The following ZNF780A variants were observed in gnomAD, a reference collection of about 807,000 sequenced individuals.
ZNF780A encodes the protein zinc finger protein 780A.
In ZNF780A, 40 loss-of-function variants were observed where a neutral mutation model predicts 56.7. The observed-to-expected ratio is 0.71, with a 90% CI of 0.55 to 0.92. The LOEUF (loss-of-function observed/expected upper bound fraction) is 0.92, where lower values mean the gene tolerates loss of function less well. Ranked by LOEUF, ZNF780A falls within the 40% of genes least tolerant of loss-of-function variation. ZNF780A has a pLI of 0.00. For missense variants in ZNF780A, 672 were observed against 783.3 expected (o/e 0.86, Z 1.70); for synonymous variants, 231 against 248.3 (o/e 0.93, Z 0.66).
downstream of ZNF780A, chr19:40,070,442 G>C (rs1210607807): frequency 6.6e-6 from 1 of 152,100 alleles, no homozygotes; most frequent in Non-Finnish European, 1.5e-5. Flanking sequence ...GTATTTCCTT[G>C]TTTCAGGACA....
chr19:40,084,066 A>AT (rs554762129), intron 3 of ZNF780A, among the ~76,000 whole-genome samples: 17,475 of 147,258 alleles, frequency 0.12, 1,921 homozygotes, highest in African/African-American at 0.3. Flanking sequence ...CAACAGGCTA[A>AT]TTTTTTTTTT....
intron 5 of ZNF780A, among the ~76,000 whole-genome samples, chr19:40,079,284 C>T (rs901483766): frequency 2.6e-5 from 4 of 151,962 alleles, no homozygotes; most frequent in South Asian, 4.1e-4. Context: ...ATTCAGCAAG[C>T]GGATATAACA....
intron 2 of ZNF780A, among the ~76,000 whole-genome samples, chr19:40,089,887 C>T (rs1026543542): frequency 2.0e-5 from 3 of 152,140 alleles, no homozygotes; most frequent in African/African-American, 7.2e-5. Context: ...TGTGTGATTC[C>T]ACCTAAACAC....
Position 40,073,622 on chromosome 19 carries a change from T to C in ZNF780A, c.*894A>G. ...CAAAGACTTTCTCACAAGAATTATCTTCTCCGAACTCTAAGGTATTTAGTG... is the reference window on the plus strand; with the variant it reads ...CAAAGACTTTCTCACAAGAATTATCCTCTCCGAACTCTAAGGTATTTAGTG... On this transcript the variant is annotated 3_prime_UTR_variant, in exon 6 of 6. Transcript: ENST00000683561. 1 of 985,908 alleles carries C rather than the reference T, an allele frequency of 1.0e-6. No homozygotes were observed. The highest frequency in any genetic ancestry group is 1.2e-6 in the Non-Finnish European group (1 of 830,322). 61.1% of individuals were successfully genotyped at this position (985,908 alleles called of 1,614,324 possible).
At chr19:40,088,702 A>G (rs1021029062) in intron 2 of ZNF780A, among the ~76,000 whole-genome samples, 2 of 152,216 alleles carry the variant, frequency 1.3e-5, no homozygotes, top group African/African-American at 4.8e-5. Context: ...CAGCATACCC[A>G]TGTTTATTGC....
In ZNF780A at chr19:40,075,083, G is replaced by C. The variant is rs747405597; in HGVS notation, c.1359C>G (p.Ala453=). The C allele has an allele frequency of 6.2e-7, 1 of 1,614,054 alleles. No homozygotes were observed. The highest frequency in any genetic ancestry group is 8.5e-7 in the Non-Finnish European group (1 of 1,180,014). Residue 453 remains alanine (A), a synonymous_variant, in exon 6 of 6, where the codon GCC becomes GCG. Transcript: ENST00000683561. ...CAATAAGTTGGCAATGATATCTAAA[G>C]GCCATCTCACATTCCCTACATACAA... ...KPFVCRECEM[A]FRYHCQLIEH...
downstream of ZNF780A, chr19:40,070,235 G>C (rs1393744532): frequency 1.3e-5 from 2 of 152,132 alleles, no homozygotes; most frequent in African/African-American, 2.4e-5. Context: ...ATAGACAACA[G>C]ATTAAATACT....
chr19:40,085,499 G>T, intron 2 of ZNF780A: 1 of 309,098 alleles, frequency 3.2e-6, no homozygotes, highest in Non-Finnish European at 4.7e-6. Flanking sequence ...AAGACTAACA[G>T]ACATTAATAG....
chr19:40,077,201 C>G (rs1974193634), intron 5 of ZNF780A, among the ~76,000 whole-genome samples: 1 of 152,122 alleles, frequency 6.6e-6, no homozygotes, highest in Admixed American at 6.5e-5. Flanking sequence ...ACTTGCCTAC[C>G]TTGTGTCCTC....
chr19:40,074,520 G>C lies in ZNF780A; in HGVS notation c.1922C>G (p.Ser641Cys), dbSNP rs780900526. The change falls in exon 6 of 6, where the codon TCT becomes TGT. Residue 641 changes from serine (S) to cysteine (C), a missense_variant. Transcript: ENST00000683561. ...GACTTTCCACATTCCTTACATTCAA[G>C]ATGCCTTCTCACCTGTGTGAATGTT... The part of the protein sequence containing the change: ...HKNIHTGEKA[S>C] 2.5e-6 allele frequency: 4 copies of C among 1,613,348 alleles called. No homozygotes were observed. The highest frequency in any genetic ancestry group is 1.7e-6 in the Non-Finnish European group (2 of 1,179,720).
At chr19:40,086,905 G>A (rs573927275) in intron 2 of ZNF780A, among the ~76,000 whole-genome samples, 33 of 152,094 alleles carry the variant, frequency 2.2e-4, no homozygotes, top group African/African-American at 6.8e-4. Flanking sequence ...GTTTCACCAC[G>A]TTGGCAAGGC....
Position 40,074,909 on chromosome 19 carries a change from T to C in ZNF780A, c.1533A>G (p.Arg511=). ...YECKECGKAF[R]LYLQLSQHQK... ...GATGTTGGGAAAGTTGTAGGTAAAG[T>C]CTAAAAGCCTTCCCACACTCCTTAC... Residue 511 remains arginine, a synonymous_variant, in exon 6 of 6, where the codon AGA becomes AGG. Coordinates refer to ENST00000683561, the MANE Select transcript of ZNF780A (RefSeq NM_001142578.2). The C allele has an allele frequency of 1.2e-6, 2 of 1,613,602 alleles. No homozygotes were observed. The highest frequency in any genetic ancestry group is 1.7e-6 in the Non-Finnish European group (2 of 1,179,826).
intron 3 of ZNF780A, 81 bp downstream of exon 3, chr19:40,084,664 C>T (rs888229170): frequency 1.9e-5 from 27 of 1,417,648 alleles, no homozygotes; most frequent in South Asian, 1.2e-4. Context: ...ATTCTAGGTA[C>T]GAAGCTTCAG....
In ZNF780A at chr19:40,073,934, G is replaced by A. The variant is rs918997707; in HGVS notation, c.*582C>T. 3 of 1,031,086 alleles carry A rather than the reference G, an allele frequency of 2.9e-6. No individual in the cohort carries two copies. The African/African-American group carries it at 5.1e-5, about 18-fold the overall frequency. The allele number at this position is 1,031,086 out of a possible 1,614,324, so 63.9% of individuals were successfully genotyped here. A position where few individuals can be genotyped will look rare whatever the true frequency, so the allele number is the denominator to read the frequency against. Reference sequence around the variant, plus strand: ...GCTTTCCCATATTCCTTACATTATAGCGTTTCTCACCAGTATGAATTTTAA... The same window carrying A: ...GCTTTCCCATATTCCTTACATTATAACGTTTCTCACCAGTATGAATTTTAA... On this transcript the variant is annotated 3_prime_UTR_variant, in exon 6 of 6. Coordinates refer to ENST00000683561, the MANE Select transcript of ZNF780A (RefSeq NM_001142578.2).
downstream of ZNF780A, chr19:40,072,759 C>T (rs977631045): frequency 7.6e-7 from 1 of 1,307,230 alleles, no homozygotes; most frequent in African/African-American, 1.6e-5. Context: ...TAATAAAAAA[C>T]ATAGAGGCCC....
chr19:40,090,662 G>GT (rs145447336), intron 1 of ZNF780A: 3,282 of 152,496 alleles, frequency 0.022, 82 homozygotes, highest in African/African-American at 0.054. Flanking sequence ...TCCCGGGCCT[G>GT]TGCATAGAAC....
At chr19:40,082,375 G>T (rs2144948621) in intron 4 of ZNF780A, among the ~76,000 whole-genome samples, 1 of 152,156 alleles carries the variant, frequency 6.6e-6, no homozygotes. Context: ...ACAAAGTCAA[G>T]AATTATTGTT....
chr19:40,069,712 T>A (rs1460381854), downstream of ZNF780A: 1 of 152,176 alleles, frequency 6.6e-6, no homozygotes, highest in Non-Finnish European at 1.5e-5. Context: ...TTATAAATTT[T>A]ACAAAAGGAG....
In ZNF780A at chr19:40,085,998, A is replaced by ATG. The variant is rs112760516; in HGVS notation, c.-45-1202_-45-1201dup. Among the ~76,000 whole-genome samples the ATG allele has an allele frequency of 1.4e-3, 199 of 142,872 alleles. 4 individuals are homozygous for ATG. The highest frequency in any genetic ancestry group is 0.014 in the South Asian group (61 of 4,464). The allele number at this position is 142,872 out of a possible 152,430, so 93.7% of individuals were successfully genotyped here. On this transcript the variant is annotated intron_variant, in intron 2 of 5. Transcript: ENST00000683561. ...TGTATATATATATTTATATATATAT[A>ATG]TGTGTGTGTGTGTGTGTATGCATCT...
Sources: allele counts gnomAD v4.1 joint callset (sites outside exome capture counted in the v4.1 genomes callset), GRCh38; gene constraint gnomAD v4.1.1; transcripts MANE v1.5; gene names NCBI Gene and HGNC (gene_info 2026-07-23, HGNC 2026-07-21).